The following TBCB variants were observed in gnomAD, a reference collection of about 807,000 sequenced individuals.
TBCB encodes the protein tubulin-folding cofactor B.
TBCB carries 18 observed loss-of-function variants against 29.2 expected under a neutral mutation model. The observed-to-expected ratio is 0.62, with a 90% CI of 0.43 to 0.91. TBCB has a LOEUF of 0.91. TBCB is among the 40% of genes least tolerant of loss of function. TBCB has a pLI of 0.00. For missense variants in TBCB, 336 were observed against 337.6 expected (o/e 1.00, Z 0.04); for synonymous variants, 172 against 137.8 (o/e 1.25, Z -1.74).
At chr19:36,120,234 T>G (rs1275134978) in intron 2 of TBCB, among the ~76,000 whole-genome samples, 3 of 152,182 alleles carry the variant, frequency 2.0e-5, no homozygotes, top group Non-Finnish European at 4.4e-5. Flanking sequence ...GTGTTTACAC[T>G]GAGTCCCCAG....
chr19:36,121,496 C>T, intron 3 of TBCB, 31 bp from the exon 4 acceptor site: 1 of 1,538,174 alleles, frequency 6.5e-7, no homozygotes, highest in East Asian at 2.4e-5. Flanking sequence ...CGGCCGACAC[C>T]CCAACTGACC....
intron 4 of TBCB, among the ~76,000 whole-genome samples, chr19:36,123,251 CTTCTTTTTTT>C (rs1467339605): frequency 3.8e-5 from 5 of 130,382 alleles, no homozygotes; most frequent in African/African-American, 5.6e-5. Context: ...TATGAACCTT[CTTCTTTTTTT>C]TTTTTTTTTT....
At chr19:36,115,260 T>G, upstream of TBCB, 1 of 529,354 alleles carries the variant, frequency 1.9e-6, no homozygotes, top group East Asian at 3.3e-5. Context: ...CACTCCTACC[T>G]CCGGGCTTCA....
chr19:36,124,184 C>G (rs1394307399), intron 4 of TBCB, among the ~76,000 whole-genome samples: 1 of 152,164 alleles, frequency 6.6e-6, no homozygotes, highest in Non-Finnish European at 1.5e-5. Context: ...TTTGCATGGC[C>G]ATTTGTGTAT....
chr19:36,123,773 G>C (rs950328721), intron 4 of TBCB, among the ~76,000 whole-genome samples: 3 of 152,312 alleles, frequency 2.0e-5, no homozygotes, highest in Non-Finnish European at 4.4e-5. Flanking sequence ...TACCCGGAAG[G>C]CTGAGGCAGG....
chr19:36,123,827 A>G (rs1974096701), intron 4 of TBCB, among the ~76,000 whole-genome samples: 1 of 152,198 alleles, frequency 6.6e-6, no homozygotes, highest in Non-Finnish European at 1.5e-5. Flanking sequence ...GTGAGCCAAG[A>G]TCACACCACT....
chr19:36,121,913 G>A (rs1974061119), intron 4 of TBCB, 195 bp downstream of exon 4: 4 of 734,568 alleles, frequency 5.4e-6, no homozygotes, highest in Non-Finnish European at 6.7e-6. Flanking sequence ...GTGGAGGGAA[G>A]TGGGAGGCGC....
rs370522612 is a variant in TBCB, at chr19:36,115,528, A to G, written c.-33A>G. 2 of 1,534,682 alleles carry G rather than the reference A, an allele frequency of 1.3e-6. No individual in the cohort carries two copies. Among genetic ancestry groups the G allele is most frequent in the African/African-American group, 2.8e-5 (2 of 72,666 alleles). On this transcript the variant is annotated 5_prime_UTR_variant, in exon 1 of 6. Coordinates refer to ENST00000221855, the MANE Select transcript of TBCB (RefSeq NM_001281.3). Reference sequence around the variant, plus strand: ...TGCGGAGCGGGTGTGAGGCGGCTGGACCGCGCTGCAGGCATCCGCAGGGCG... The same window carrying G: ...TGCGGAGCGGGTGTGAGGCGGCTGGGCCGCGCTGCAGGCATCCGCAGGGCG...
At chr19:36,120,555 C>T in intron 2 of TBCB, 155 bp from the exon 3 acceptor site, 2 of 610,694 alleles carry the variant, frequency 3.3e-6, no homozygotes, top group Non-Finnish European at 5.8e-6. Flanking sequence ...AGCTACTTCT[C>T]CCTTCCGCTG....
At chr19:36,121,996 G>C in intron 4 of TBCB, 1 of 537,662 alleles carries the variant, frequency 1.9e-6, no homozygotes, top group South Asian at 2.1e-5. Flanking sequence ...TCGAAGCGTG[G>C]GGCAGTGTCA....
At chr19:36,119,360 C>G (rs547256831) in intron 2 of TBCB, among the ~76,000 whole-genome samples, 14 of 152,226 alleles carry the variant, frequency 9.2e-5, no homozygotes, top group Admixed American at 8.5e-4. Context: ...TCCTTGGGCC[C>G]GCTCTCTCCC....
intron 5 of TBCB, 49 bp downstream of exon 5, chr19:36,125,572 T>A: frequency 6.2e-7 from 1 of 1,612,544 alleles, no homozygotes; most frequent in Non-Finnish European, 8.5e-7. Context: ...TGTGTGTAAG[T>A]CCATGCGTGC....
chr19:36,118,836 C>T (rs1973999057), intron 2 of TBCB, among the ~76,000 whole-genome samples: 1 of 152,176 alleles, frequency 6.6e-6, no homozygotes, highest in Non-Finnish European at 1.5e-5. Flanking sequence ...GGGGAGGACC[C>T]TGACCTGGCT....
In TBCB at chr19:36,115,566, G is replaced by A. The variant is rs148426844; in HGVS notation, c.6G>A (p.Glu2=). The change falls in exon 1 of 6, where the codon GAG becomes GAA. Residue 2 remains glutamate, a synonymous_variant. Coordinates refer to ENST00000221855, the MANE Select transcript of TBCB (RefSeq NM_001281.3). M[E]VTGVSAPTVT... Reference sequence around the variant, plus strand: ...CATCCGCAGGGCGCGGCAAGATGGAGGTGACGGGGGTGTCGGCACCCACGG... The same window carrying A: ...CATCCGCAGGGCGCGGCAAGATGGAAGTGACGGGGGTGTCGGCACCCACGG... 50 of 1,606,762 alleles carry A rather than the reference G, an allele frequency of 3.1e-5. No homozygotes were observed. The highest frequency in any genetic ancestry group is 4.2e-5 in the Non-Finnish European group (49 of 1,177,128).
chr19:36,123,807 G>A (rs1161713681), intron 4 of TBCB, among the ~76,000 whole-genome samples: 2 of 152,278 alleles, frequency 1.3e-5, no homozygotes, highest in African/African-American at 4.8e-5. Flanking sequence ...CCTGGGAGGC[G>A]GAGGTTGCAG....
intron 2 of TBCB, among the ~76,000 whole-genome samples, chr19:36,120,282 A>G (rs1974022488): frequency 6.6e-6 from 1 of 152,136 alleles, no homozygotes. Flanking sequence ...CTCGGAAACC[A>G]ATGAATGAAT....
At chr19:36,120,835 G>A (rs371607562) in intron 3 of TBCB, 29 bp downstream of exon 3, 36 of 1,607,552 alleles carry the variant, frequency 2.2e-5, no homozygotes, top group South Asian at 3.3e-5. Flanking sequence ...CGAGGGGTGC[G>A]TGGGGGCCAG....
chr19:36,124,955 T>C (rs1974112985), intron 4 of TBCB, among the ~76,000 whole-genome samples: 1 of 151,972 alleles, frequency 6.6e-6, no homozygotes, highest in Admixed American at 6.6e-5. Context: ...TTTTGCAAAG[T>C]GGGTGTTCTT....
Position 36,115,600 on chromosome 19 carries a change from T to A in TBCB, c.40T>A (p.Phe14Ile). The A allele has an allele frequency of 1.2e-6, 2 of 1,610,426 alleles. No individual in the cohort carries two copies. The highest frequency in any genetic ancestry group is 2.2e-5 in the South Asian group (2 of 90,326). Reference sequence around the variant, plus strand: ...GGTGTCGGCACCCACGGTGACCGTTTTCATCAGCAGCTCCCTCAACACCTT... The same window carrying A: ...GGTGTCGGCACCCACGGTGACCGTTATCATCAGCAGCTCCCTCAACACCTT... ...TGVSAPTVTV[F>I]ISSSLNTFRS... The change falls in exon 1 of 6, where the codon TTC becomes ATC. Residue 14 changes from phenylalanine to isoleucine, a missense_variant. Physicochemically the swap from Phe to Ile is conservative, Grantham distance 21. Transcript: ENST00000221855.
Sources: gnomAD v4.1 joint callset for allele counts (sites outside exome capture counted in the v4.1 genomes callset) on GRCh38, gnomAD v4.1.1 for gene constraint, MANE v1.5 for transcripts, NCBI Gene and HGNC (gene_info 2026-07-23, HGNC 2026-07-21) for gene names.